PCDHA5: variants seen among roughly 807,000 people sequenced by gnomAD.
The protein encoded by PCDHA5 is protocadherin alpha-5.
Under a neutral mutation model 61.6 loss-of-function variants are expected in PCDHA5, and 43 were observed. The ratio of observed to expected loss-of-function variants is 0.70; its 90% CI spans 0.55 to 0.90. The LOEUF is 0.90. Ranked by LOEUF, PCDHA5 falls within the 40% of genes least tolerant of loss-of-function variation. The probability of loss-of-function intolerance (pLI) is 0.00; values close to 1 mark genes in which losing one functional copy is unlikely to be tolerated. For missense variants in PCDHA5, 1,298 were observed against 1,222.7 expected (o/e 1.06, Z -0.92); for synonymous variants, 627 against 543.9 (o/e 1.15, Z -2.13).
intron 1 of PCDHA5, among the ~76,000 whole-genome samples, chr5:140,947,415 G>C (rs116670354): frequency 0.021 from 3,167 of 151,674 alleles, 64 homozygotes; most frequent in Admixed American, 0.045. Flanking sequence ...TGATATTGTA[G>C]CTTTATAAAT....
At chr5:140,905,446 A>G (rs1421760693) in intron 1 of PCDHA5, among the ~76,000 whole-genome samples, 2 of 152,180 alleles carry the variant, frequency 1.3e-5, no homozygotes, top group East Asian at 3.9e-4. Flanking sequence ...GCCTTTTAGT[A>G]TAATTTAAAG....
At chr5:140,864,479 C>T (rs1272499335) in intron 1 of PCDHA5, 1 of 152,160 alleles carries the variant, frequency 6.6e-6, no homozygotes, top group Non-Finnish European at 1.5e-5. Flanking sequence ...ATGTTGATTG[C>T]AGTGGGTGGA....
intron 2 of PCDHA5, among the ~76,000 whole-genome samples, chr5:140,979,370 G>A (rs1247964519): frequency 6.6e-6 from 1 of 150,650 alleles, no homozygotes; most frequent in Non-Finnish European, 1.5e-5. Context: ...TGAGACTTGG[G>A]TACATTGTGC....
intron 1 of PCDHA5, among the ~76,000 whole-genome samples, chr5:140,926,017 G>C (rs1222079500): frequency 2.0e-5 from 3 of 152,050 alleles, no homozygotes; most frequent in African/African-American, 7.2e-5. Context: ...GCCAGAGTCC[G>C]GAGGCAGTTT....
chr5:140,988,818 CCAAA>C (rs1193685505), intron 3 of PCDHA5: 2 of 152,060 alleles, frequency 1.3e-5, no homozygotes, highest in Non-Finnish European at 2.9e-5. Flanking sequence ...AACAGTAGCC[CCAAA>C]CAGAGATCAC....
chr5:140,995,113 A>G (rs560699104), intron 3 of PCDHA5, among the ~76,000 whole-genome samples: 68 of 152,252 alleles, frequency 4.5e-4, no homozygotes, highest in Non-Finnish European at 8.4e-4. Flanking sequence ...CAAGACCCTC[A>G]GTGGATGCCT....
At chr5:140,912,441 G>A (rs1460671133) in intron 1 of PCDHA5, among the ~76,000 whole-genome samples, 2 of 151,478 alleles carry the variant, frequency 1.3e-5, no homozygotes, top group Non-Finnish European at 2.9e-5. Flanking sequence ...GCTGATTTGT[G>A]TGCATTGATT....
intron 1 of PCDHA5, among the ~76,000 whole-genome samples, chr5:140,938,387 A>G (rs2092042874): frequency 6.6e-6 from 1 of 152,220 alleles, no homozygotes. Flanking sequence ...AATATTTAAT[A>G]TGAAATACAT....
chr5:140,985,859 C>T (rs2153837183), intron 3 of PCDHA5, among the ~76,000 whole-genome samples: 1 of 151,736 alleles, frequency 6.6e-6, no homozygotes, highest in African/African-American at 2.4e-5. Context: ...CCTGCCTCAG[C>T]CTCCTGAGTA....
Position 141,010,115 on chromosome 5 carries a change from C to A in PCDHA5, c.*178C>A, listed in dbSNP as rs1037998611. 1.2e-6 allele frequency: 2 copies of A among 1,609,682 alleles called. No individual in the cohort carries two copies. The highest frequency in any genetic ancestry group is 2.2e-5 in the South Asian group (2 of 90,640). ...CATTTAACAGGTTTTGTCGTAAAAG[C>A]TTTACTAAGTCTGGTGTTAACTCTT... On this transcript the variant is annotated 3_prime_UTR_variant, in exon 4 of 4. Transcript: ENST00000529859.
Position 140,823,270 on chromosome 5 carries a change from G to A in PCDHA5, c.1495G>A (p.Gly499Ser). The A allele has an allele frequency of 6.2e-7, 1 of 1,612,658 alleles. No homozygotes were observed. Among genetic ancestry groups the A allele is most frequent in the Non-Finnish European group, 8.5e-7 (1 of 1,179,764 alleles). ...CTACTCGCTGGTGGAGCGGCGGGTG[G>A]GCGAGCGCCCGCTGTCGAGTTACGT... ...VSYSLVERRV[G>S]ERPLSSYVSV... The change falls in exon 1 of 4, where the codon GGC (glycine) becomes AGC (serine). Residue 499 changes from glycine (G) to serine (S), a missense_variant. By Grantham distance (56) the Gly-to-Ser change is moderately conservative. Transcript: ENST00000529859.
chr5:140,924,064 G>A (rs1584331926), intron 1 of PCDHA5, among the ~76,000 whole-genome samples: 1 of 152,172 alleles, frequency 6.6e-6, no homozygotes. Context: ...CTTTACAGTT[G>A]TATTTCATCT....
chr5:140,857,141 G>A, intron 1 of PCDHA5: 3 of 1,598,268 alleles, frequency 1.9e-6, no homozygotes, highest in Non-Finnish European at 2.6e-6. Flanking sequence ...TGCTCAAGTG[G>A]GCACCGTCAT....
intron 1 of PCDHA5, chr5:140,969,244 G>C: frequency 6.2e-7 from 1 of 1,614,206 alleles, no homozygotes; most frequent in Non-Finnish European, 8.5e-7. Flanking sequence ...AAGCAGCAGT[G>C]ACTGACAGCA....
intron 1 of PCDHA5, chr5:140,835,552 C>A (rs550090383): frequency 6.2e-7 from 1 of 1,613,824 alleles, no homozygotes; most frequent in Non-Finnish European, 8.5e-7. Flanking sequence ...TGCTCCCTGA[C>A]GCCCCGCGTT....
intron 1 of PCDHA5, among the ~76,000 whole-genome samples, chr5:140,959,712 T>A (rs166567): frequency 0.25 from 37,822 of 152,086 alleles, 5,932 homozygotes; most frequent in African/African-American, 0.45. Flanking sequence ...AAAGGGAAAA[T>A]TTTTAGATAA....
intron 1 of PCDHA5, among the ~76,000 whole-genome samples, chr5:140,951,512 C>T (rs2094592870): frequency 6.6e-6 from 1 of 152,004 alleles, no homozygotes; most frequent in Non-Finnish European, 1.5e-5. Context: ...GAAAGCGGCT[C>T]ATCTTACATG....
At chr5:140,984,139 C>T (rs2097088415) in intron 3 of PCDHA5, among the ~76,000 whole-genome samples, 1 of 152,178 alleles carries the variant, frequency 6.6e-6, no homozygotes. Flanking sequence ...GATGTGGAGG[C>T]ATCTGGGAAG....
intron 1 of PCDHA5, among the ~76,000 whole-genome samples, chr5:140,840,888 C>T (rs1776926383): frequency 1.3e-5 from 2 of 151,946 alleles, no homozygotes; most frequent in South Asian, 4.2e-4. Flanking sequence ...TTTCTGATAT[C>T]CATGACATAC....
Sources: allele counts gnomAD v4.1 joint callset (sites outside exome capture counted in the v4.1 genomes callset), GRCh38; gene constraint gnomAD v4.1.1; transcripts MANE v1.5; gene names NCBI Gene and HGNC (gene_info 2026-07-23, HGNC 2026-07-21).